GRIN2B: variants seen among roughly 807,000 people sequenced by gnomAD.
The protein encoded by GRIN2B is glutamate receptor ionotropic, NMDA 2B.
A neutral mutation model predicts 114.5 loss-of-function variants in GRIN2B; 5 were observed. That is an observed-to-expected ratio of 0.04 (90% CI 0.02 to 0.09). GRIN2B has a LOEUF of 0.09. Ranked by LOEUF, GRIN2B falls within the 10% of genes least tolerant of loss-of-function variation. The pLI is 1.00. For missense variants in GRIN2B, 1,108 were observed against 1,943.5 expected, an observed-to-expected ratio of 0.57 and a Z score of 8.08; for synonymous variants, 787 against 745.1, an observed-to-expected ratio of 1.06 and a Z score of -0.92.
At chr12:13,860,020 G>C (rs1865728324) in intron 3 of GRIN2B, among the ~76,000 whole-genome samples, 1 of 152,202 alleles carries the variant, frequency 6.6e-6, no homozygotes. Flanking sequence ...AAGAAGCGTA[G>C]GGTAAGGCAT....
At chr12:13,814,265 T>A (rs1864780377) in intron 3 of GRIN2B, among the ~76,000 whole-genome samples, 1 of 152,206 alleles carries the variant, frequency 6.6e-6, no homozygotes, top group South Asian at 2.1e-4. Flanking sequence ...TATGCACTAA[T>A]TCTCAGCTAG....
At chr12:13,565,353 A>C (rs774609758) in intron 13 of GRIN2B, among the ~76,000 whole-genome samples, 2 of 152,162 alleles carry the variant, frequency 1.3e-5, no homozygotes, top group Admixed American at 1.3e-4. Context: ...AATAGGAATA[A>C]ATAACTCCCT....
chr12:13,781,539 A>G (rs559523021), intron 3 of GRIN2B, among the ~76,000 whole-genome samples: 1 of 152,296 alleles, frequency 6.6e-6, no homozygotes, highest in African/African-American at 2.4e-5. Context: ...AGCATGAAAT[A>G]TCTAAAAAAT....
At chr12:13,929,280 C>T (rs954470149) in intron 2 of GRIN2B, among the ~76,000 whole-genome samples, 1 of 152,094 alleles carries the variant, frequency 6.6e-6, no homozygotes, top group Non-Finnish European at 1.5e-5. Flanking sequence ...TAAAATATGA[C>T]CAGTTCTAAC....
At chr12:13,923,247 C>G (rs555363834) in intron 2 of GRIN2B, among the ~76,000 whole-genome samples, 1 of 152,250 alleles carries the variant, frequency 6.6e-6, no homozygotes, top group Admixed American at 6.5e-5. Flanking sequence ...GTAAGAAACA[C>G]CACAATAGAT....
intron 2 of GRIN2B, among the ~76,000 whole-genome samples, chr12:13,892,392 A>G (rs1270607478): frequency 2.0e-5 from 3 of 152,216 alleles, no homozygotes; most frequent in Non-Finnish European, 4.4e-5. Flanking sequence ...TATAAAGAAT[A>G]TTATTTTAAA....
At chr12:13,572,003 G>T in intron 10 of GRIN2B, 39 bp from the exon 11 acceptor site, 2 of 1,498,210 alleles carry the variant, frequency 1.3e-6, no homozygotes, top group African/African-American at 1.4e-5. Context: ...AGCGGGAGAT[G>T]GAGGGAGAGA....
chr12:13,887,920 A>C (rs1866193246), intron 2 of GRIN2B, among the ~76,000 whole-genome samples: 1 of 152,194 alleles, frequency 6.6e-6, no homozygotes, highest in African/African-American at 2.4e-5. Context: ...CAATGGCTCT[A>C]TCTTAGTGGC....
chr12:13,642,549 G>T (rs140768907), intron 5 of GRIN2B, among the ~76,000 whole-genome samples: 12 of 152,214 alleles, frequency 7.9e-5, no homozygotes, highest in African/African-American at 2.6e-4. Flanking sequence ...TGTATACTTT[G>T]ATTATAAGCA....
intron 3 of GRIN2B, among the ~76,000 whole-genome samples, chr12:13,847,369 GC>G (rs1865488870): frequency 6.6e-6 from 1 of 152,098 alleles, no homozygotes; most frequent in Non-Finnish European, 1.5e-5. Context: ...CAGAGATAGG[GC>G]ATTATGTCCT....
At chr12:13,924,627 C>T (rs1866883818) in intron 2 of GRIN2B, among the ~76,000 whole-genome samples, 1 of 152,190 alleles carries the variant, frequency 6.6e-6, no homozygotes, top group Admixed American at 6.5e-5. Flanking sequence ...TCCACTGATC[C>T]TGTCTACAGG....
At chr12:13,664,167 A>G (rs1198488108) in intron 5 of GRIN2B, among the ~76,000 whole-genome samples, 1 of 152,184 alleles carries the variant, frequency 6.6e-6, no homozygotes, top group Non-Finnish European at 1.5e-5. Flanking sequence ...TCAAGAGAAA[A>G]GCATAAGACA....
intron 3 of GRIN2B, among the ~76,000 whole-genome samples, chr12:13,785,686 A>G (rs979336359): frequency 7.2e-5 from 11 of 152,226 alleles, no homozygotes; most frequent in Admixed American, 1.3e-4. Context: ...AGTGTGTACT[A>G]TGAGCTATCA....
At chr12:13,694,843 C>T (rs1350808230) in intron 4 of GRIN2B, among the ~76,000 whole-genome samples, 1 of 151,504 alleles carries the variant, frequency 6.6e-6, no homozygotes, top group Non-Finnish European at 1.5e-5. Flanking sequence ...ACTCACATTA[C>T]TTTTTCCAGG....
In GRIN2B at chr12:13,562,828, A is replaced by G. The variant is rs199819153; in HGVS notation, c.4410T>C (p.Asn1470=). 158 of 1,613,990 alleles carry G rather than the reference A, an allele frequency of 9.8e-5. No individual in the cohort carries two copies. Among genetic ancestry groups the G allele is most frequent in the Non-Finnish European group, 1.3e-4 (157 of 1,179,976 alleles). ...KNPRAFNGSS[N]GHVYEKLSSI... is the part of the protein sequence containing the mutation. Reference sequence around the variant, plus strand: ...TAGAAAGTTTCTCATAAACATGCCCATTGCTGGAGCCATTGAAAGCCCTGG... The same window carrying G: ...TAGAAAGTTTCTCATAAACATGCCCGTTGCTGGAGCCATTGAAAGCCCTGG... Residue 1470 remains asparagine, a synonymous_variant, in exon 14 of 14, where the codon AAT becomes AAC. Transcript: ENST00000609686.
At chr12:13,724,293 C>A (rs1424840223) in intron 4 of GRIN2B, among the ~76,000 whole-genome samples, 1 of 152,078 alleles carries the variant, frequency 6.6e-6, no homozygotes, top group Non-Finnish European at 1.5e-5. Context: ...AGTTTACATA[C>A]TGAAGGAATT....
At chr12:13,843,705 A>G (rs1247640215) in intron 3 of GRIN2B, among the ~76,000 whole-genome samples, 2 of 152,234 alleles carry the variant, frequency 1.3e-5, no homozygotes, top group Non-Finnish European at 2.9e-5. Context: ...TTTTTGAAAG[A>G]GGCATTTTTA....
intron 5 of GRIN2B, among the ~76,000 whole-genome samples, chr12:13,671,521 C>T (rs921049250): frequency 6.6e-6 from 1 of 152,132 alleles, no homozygotes; most frequent in Non-Finnish European, 1.5e-5. Flanking sequence ...ACTTAATCTT[C>T]CTTGACCCGA....
chr12:13,705,648 C>G (rs974977703), intron 4 of GRIN2B, among the ~76,000 whole-genome samples: 10 of 152,166 alleles, frequency 6.6e-5, no homozygotes, highest in Non-Finnish European at 1.5e-4. Flanking sequence ...AGTCCACAAG[C>G]TTCCCCACAT....
Sources: gnomAD v4.1 joint callset for allele counts (sites outside exome capture counted in the v4.1 genomes callset) on GRCh38, gnomAD v4.1.1 for gene constraint, MANE v1.5 for transcripts, NCBI Gene and HGNC (gene_info 2026-07-23, HGNC 2026-07-21) for gene names.